The following PXDN variants were observed in gnomAD, a reference collection of about 807,000 sequenced individuals.
PXDN encodes the protein peroxidasin homolog.
Under a neutral mutation model 140.3 loss-of-function variants are expected in PXDN, and 77 were observed. That is an observed-to-expected ratio of 0.55 (90% confidence interval 0.46 to 0.66). PXDN has a LOEUF of 0.66. PXDN is among the 30% of genes least tolerant of loss of function. PXDN has a pLI of 0.00. For synonymous variants in PXDN, 911 were observed against 857.4 expected, an observed-to-expected ratio of 1.06 and a Z score of -1.09; for missense variants, 1,838 against 2,039.5, an observed-to-expected ratio of 0.90 and a Z score of 1.90.
chr2:1,743,370 G>C (rs957447829), intron 1 of PXDN, among the ~76,000 whole-genome samples: 1 of 152,214 alleles, frequency 6.6e-6, no homozygotes. Flanking sequence ...ATCTAGACCC[G>C]GGCTGCCCCG....
At chr2:1,692,980 G>A (rs182159454) in intron 2 of PXDN, 83 bp downstream of exon 2, 1 of 1,324,404 alleles carries the variant, frequency 7.6e-7, no homozygotes, top group African/African-American at 1.5e-5. Flanking sequence ...CCCACTGATT[G>A]TGGATGATGA....
At chr2:1,716,411 C>T (rs1175740399) in intron 1 of PXDN, among the ~76,000 whole-genome samples, 6 of 136,008 alleles carry the variant, frequency 4.4e-5, no homozygotes, top group Admixed American at 4.0e-4. Flanking sequence ...GCACTCCAGC[C>T]TGGGCAACAG....
intron 1 of PXDN, among the ~76,000 whole-genome samples, chr2:1,706,214 T>C (rs1461937421): frequency 6.6e-6 from 1 of 152,198 alleles, no homozygotes; most frequent in Non-Finnish European, 1.5e-5. Flanking sequence ...AGCTGGTCTG[T>C]CCAGCACCTA....
rs774894929 is a variant in PXDN, at chr2:1,653,612, A to T, written c.2104+16T>A. The stretch of plus-strand genomic sequence containing the variant: ...ACTCAGGCCATGGAGGAGGAAGAAA[A>T]GGCTTTGGCACTGACTTGTTCCGTT... On this transcript the variant is annotated intron_variant, in intron 16 of 22. Transcript: ENST00000252804. 1.2e-6 allele frequency: 2 copies of T among 1,611,548 alleles called. No individual in the cohort carries two copies. Among genetic ancestry groups the T allele is most frequent in the South Asian group, 2.2e-5 (2 of 90,056 alleles).
chr2:1,721,027 A>G (rs1206179373), intron 1 of PXDN, among the ~76,000 whole-genome samples: 1 of 152,166 alleles, frequency 6.6e-6, no homozygotes, highest in East Asian at 1.9e-4. Flanking sequence ...GCCTTCAACT[A>G]ACTGGACGAG....
rs748040676 is a variant in PXDN at position 1,687,685 on chromosome 2, C to G, written c.363G>C (p.Glu121Asp). Residue 121 changes from glutamate (E) to aspartate (D), a missense_variant, in exon 4 of 23, where the codon GAG becomes GAC. This residue lies in a region of PXDN where 231 missense variants were observed against 201.5 expected (regional missense o/e 1.15). Coordinates refer to ENST00000252804, the MANE Select transcript of PXDN (RefSeq NM_012293.3). The surrounding 1 kb of genome is among the most constrained non-coding windows in gnomAD (Gnocchi z 4.0). ...ATGCTTGCCTGTCAATTGACTGGAT[C>G]TCATTCTTGTACAGATAGCTGAAAC... Reference protein sequence around the residue: ...NLKYLYLYKNEIQSIDRQAFK... With the variant: ...NLKYLYLYKNDIQSIDRQAFK... The G allele has an allele frequency of 6.5e-7, 1 of 1,529,942 alleles. No homozygotes were observed. The highest frequency in any genetic ancestry group is 9.0e-7 in the Non-Finnish European group (1 of 1,107,308). 94.8% of individuals were successfully genotyped at this position (1,529,942 alleles called of 1,614,324 possible).
At chr2:1,711,247 T>C (rs111161805) in intron 1 of PXDN, among the ~76,000 whole-genome samples, 213 of 16,984 alleles carry the variant, frequency 0.013, 31 homozygotes, top group African/African-American at 0.067. Flanking sequence ...TCCACCAGCA[T>C]CCACTCTACC....
At chr2:1,681,805 T>C (rs965822025) in intron 6 of PXDN, among the ~76,000 whole-genome samples, 9 of 152,132 alleles carry the variant, frequency 5.9e-5, no homozygotes, top group Middle Eastern at 6.3e-3. Flanking sequence ...CAGATGGTCA[T>C]AGTCAGGTAT....
In PXDN at chr2:1,711,711, A is replaced by G. The variant is rs553392394; in HGVS notation, c.201-18577T>C. On this transcript the variant is annotated intron_variant, in intron 1 of 22. Transcript: ENST00000252804. Reference sequence around the variant, plus strand: ...CACTAGGCTGAATAAAAGGAGGGCCACCTGCAGGATCCACTGGGGGAAGGC... The same window carrying G: ...CACTAGGCTGAATAAAAGGAGGGCCGCCTGCAGGATCCACTGGGGGAAGGC... Among the ~76,000 whole-genome samples, 17 of 152,254 alleles carry G rather than the reference A, an allele frequency of 1.1e-4. No individual in the cohort carries two copies. In the South Asian group the frequency reaches 3.1e-3, roughly 28 times the overall value.
intron 1 of PXDN, among the ~76,000 whole-genome samples, chr2:1,694,928 G>T (rs1478376388): frequency 1.3e-5 from 2 of 152,236 alleles, no homozygotes; most frequent in African/African-American, 4.8e-5. Flanking sequence ...AAGCTGAGGG[G>T]CTTCCCAGCA....
chr2:1,701,797 G>A (rs1863136), intron 1 of PXDN, among the ~76,000 whole-genome samples: 77,044 of 152,048 alleles, frequency 0.51, 19,793 homozygotes, highest in Admixed American at 0.61. Flanking sequence ...GGAGGCTATG[G>A]CGGTGGTGCC....
Position 1,693,070 on chromosome 2 carries a change from T to G in PXDN, c.265A>C (p.Asn89His). Reference protein sequence around the residue: ...PGAFRRLRNLNTLLLNNNQIK... With the variant: ...PGAFRRLRNLHTLLLNNNQIK... Reference sequence around the variant, plus strand: ...TAGAATATTTCCACTCACAATGTGTTCAAGTTCCTCAGCCGCCTGAATGCC... The same window carrying G: ...TAGAATATTTCCACTCACAATGTGTGCAAGTTCCTCAGCCGCCTGAATGCC... The change falls in exon 2 of 23, where the codon AAC becomes CAC. Residue 89 changes from asparagine (N) to histidine (H), a missense_variant. Asn to His is a moderately conservative substitution (Grantham distance 68). This residue lies in a region of PXDN where 231 missense variants were observed against 201.5 expected (regional missense o/e 1.15). Transcript: ENST00000252804. 1.3e-6 allele frequency: 2 copies of G among 1,550,192 alleles called. No homozygotes were observed. The highest frequency in any genetic ancestry group is 1.8e-6 in the Non-Finnish European group (2 of 1,142,668).
chr2:1,729,982 G>A (rs1203268586), intron 1 of PXDN, among the ~76,000 whole-genome samples: 1 of 152,140 alleles, frequency 6.6e-6, no homozygotes. Flanking sequence ...CATACAAAGT[G>A]CATTATAGAG....
intron 1 of PXDN, among the ~76,000 whole-genome samples, chr2:1,742,808 A>G: frequency 6.6e-6 from 1 of 152,092 alleles, no homozygotes; most frequent in East Asian, 1.9e-4. Context: ...GAGGAGAGGA[A>G]CTCGGGCCCC....
In PXDN at chr2:1,693,084, C is replaced by T. The variant is rs375380332; in HGVS notation, c.251G>A (p.Arg84Gln). The stretch of plus-strand genomic sequence containing the variant: ...TCACAATGTGTTCAAGTTCCTCAGC[C>T]GCCTGAATGCCCCAGGTTGGATCTC... ...IREIQPGAFRRLRNLNTLLLN... is the reference protein window; with the variant it reads ...IREIQPGAFRQLRNLNTLLLN... Residue 84 changes from arginine (R) to glutamine (Q), a missense_variant, in exon 2 of 23, where the codon CGG (arginine) becomes CAG (glutamine). Physicochemically the swap from Arg to Gln is conservative, Grantham distance 43. This residue lies in a region of PXDN where 231 missense variants were observed against 201.5 expected (regional missense o/e 1.15). Transcript: ENST00000252804. 52 of 1,557,372 alleles carry T rather than the reference C, an allele frequency of 3.3e-5. No individual in the cohort carries two copies. The Admixed American group carries it at 4.6e-4, about 14-fold the overall frequency.
intron 19 of PXDN, among the ~76,000 whole-genome samples, chr2:1,640,242 G>A (rs1231160397): frequency 6.6e-6 from 1 of 152,218 alleles, no homozygotes; most frequent in Non-Finnish European, 1.5e-5. Flanking sequence ...CGAAGTAATG[G>A]GGTGTTCAGT....
rs2125404149 is a variant in PXDN, at chr2:1,639,478, A to G, written c.3953-56T>C. 1 of 1,607,808 alleles carries G rather than the reference A, an allele frequency of 6.2e-7. No homozygotes were observed. Among genetic ancestry groups the G allele is most frequent in the South Asian group, 1.1e-5 (1 of 90,818 alleles). On this transcript the variant is annotated intron_variant, in intron 19 of 22. Coordinates refer to ENST00000252804, the MANE Select transcript of PXDN (RefSeq NM_012293.3). This position sits in a 1 kb window ranked among gnomAD's most constrained non-coding sequence, Gnocchi z 5.0. ...CTCTGAAGGCTCTGACCTCGGGGAA[A>G]TTAAGCACATCCTGCCAACTATGAA...
chr2:1,733,244 A>C (rs1558531695), intron 1 of PXDN, among the ~76,000 whole-genome samples: 1 of 152,150 alleles, frequency 6.6e-6, no homozygotes. Context: ...AAATAAAATT[A>C]AATAAAAAAT....
intron 1 of PXDN, among the ~76,000 whole-genome samples, chr2:1,710,917 C>G (rs890892442): frequency 8.9e-6 from 1 of 111,758 alleles, no homozygotes; most frequent in Non-Finnish European, 1.8e-5. Context: ...CCACCAGCAC[C>G]CACTCCACCA....
Sources: allele counts gnomAD v4.1 joint callset (sites outside exome capture counted in the v4.1 genomes callset), GRCh38; gene constraint gnomAD v4.1.1; regional missense constraint gnomAD v4.1.1; non-coding constraint Gnocchi (gnomAD v3.1); transcripts MANE v1.5; gene names NCBI Gene and HGNC (gene_info 2026-07-23, HGNC 2026-07-21).